Variants in CDH13 observed in about 807,000 individuals in gnomAD.
The protein encoded by CDH13 is cadherin 13, also known as cadherin-13.
CDH13 carries 24 observed loss-of-function variants against 63.8 expected under a neutral mutation model. The ratio of observed to expected loss-of-function variants is 0.38; its 90% CI spans 0.27 to 0.53. The LOEUF is 0.53. Ranked by LOEUF, CDH13 falls within the 20% of genes least tolerant of loss-of-function variation. The pLI is 0.85. For missense variants in CDH13, 1,049 were observed against 903.1 expected (o/e 1.16, Z -2.07); for synonymous variants, 503 against 355.3 (o/e 1.42, Z -4.67).
chr16:83,554,457 T>A (rs575870149), intron 7 of CDH13, among the ~76,000 whole-genome samples: 1 of 152,326 alleles, frequency 6.6e-6, no homozygotes, highest in East Asian at 1.9e-4. Context: ...GCAGCATGGC[T>A]GTGAAGGAAG....
intron 4 of CDH13, among the ~76,000 whole-genome samples, chr16:83,206,549 G>A (rs2039187532): frequency 6.6e-6 from 1 of 152,246 alleles, no homozygotes; most frequent in Admixed American, 6.5e-5. Context: ...AAAATGTCGA[G>A]ATACATTCAT....
chr16:82,986,107 C>T (rs1387520754), intron 2 of CDH13, among the ~76,000 whole-genome samples: 1 of 152,196 alleles, frequency 6.6e-6, no homozygotes. Context: ...TACAGTAATA[C>T]TCTTACACTT....
chr16:83,180,480 T>C (rs1162128356), intron 4 of CDH13, among the ~76,000 whole-genome samples: 11 of 152,218 alleles, frequency 7.2e-5, no homozygotes, highest in Non-Finnish European at 1.6e-4. Context: ...AGCATGAGAC[T>C]TTTAACGTAG....
chr16:83,432,706 C>T (rs2072158013), intron 6 of CDH13, among the ~76,000 whole-genome samples: 1 of 152,108 alleles, frequency 6.6e-6, no homozygotes, highest in African/African-American at 2.4e-5. Flanking sequence ...CCAAAGGGCC[C>T]CAAGAAAATT....
chr16:83,232,143 C>T (rs754377448), intron 5 of CDH13, among the ~76,000 whole-genome samples: 1 of 151,276 alleles, frequency 6.6e-6, no homozygotes, highest in Non-Finnish European at 1.5e-5. Flanking sequence ...TTACAACAAA[C>T]CCCCATGACA....
At chr16:82,804,393 G>A (rs1013284807) in intron 1 of CDH13, among the ~76,000 whole-genome samples, 1 of 151,838 alleles carries the variant, frequency 6.6e-6, no homozygotes, top group African/African-American at 2.4e-5. Context: ...TGTGGTGATG[G>A]TATCACAGGT....
chr16:83,379,938 T>TATAGAGAGAGAGAGAGAGAGAG, intron 6 of CDH13, among the ~76,000 whole-genome samples: 62 of 123,446 alleles, frequency 5.0e-4, no homozygotes, highest in Non-Finnish European at 8.3e-4. Flanking sequence ...TATATATATA[T>TATAGAGAGAGAGAGAGAGAGAG]AGAGAGAGAG....
At chr16:82,711,324 C>T (rs1427580790) in intron 1 of CDH13, among the ~76,000 whole-genome samples, 4 of 152,156 alleles carry the variant, frequency 2.6e-5, no homozygotes, top group Non-Finnish European at 2.9e-5. Flanking sequence ...AGTGATCCTG[C>T]AGGACCCTCA....
chr16:83,219,779 G>A (rs761633021), intron 5 of CDH13, among the ~76,000 whole-genome samples: 4 of 152,194 alleles, frequency 2.6e-5, no homozygotes, highest in Non-Finnish European at 5.9e-5. Flanking sequence ...AGTGCTTATA[G>A]GGTAAGGGAC....
chr16:83,455,078 T>G (rs2072985968), intron 6 of CDH13, among the ~76,000 whole-genome samples: 1 of 152,204 alleles, frequency 6.6e-6, no homozygotes, highest in Non-Finnish European at 1.5e-5. Context: ...TCGGAGCCAT[T>G]GTTATCACAC....
intron 6 of CDH13, among the ~76,000 whole-genome samples, chr16:83,362,599 T>C (rs1002204271): frequency 2.0e-5 from 3 of 152,180 alleles, no homozygotes; most frequent in Non-Finnish European, 4.4e-5. Flanking sequence ...CCATGTTTCA[T>C]GTGAGGACAC....
chr16:83,650,002 G>A (rs1042423363), intron 8 of CDH13, among the ~76,000 whole-genome samples: 7 of 152,128 alleles, frequency 4.6e-5, no homozygotes, highest in African/African-American at 1.7e-4. Context: ...GTTCTAATTG[G>A]ACAAAATGGA....
At chr16:83,762,036 T>G (rs1914016115) in intron 11 of CDH13, among the ~76,000 whole-genome samples, 1 of 152,162 alleles carries the variant, frequency 6.6e-6, no homozygotes, top group African/African-American at 2.4e-5. Flanking sequence ...CACTCCAGCC[T>G]GGGTGACAGA....
At chr16:82,855,168 A>C (rs2039636299) in intron 1 of CDH13, among the ~76,000 whole-genome samples, 1 of 152,158 alleles carries the variant, frequency 6.6e-6, no homozygotes, top group African/African-American at 2.4e-5. Context: ...CCTCTTCCCT[A>C]AGAGTCAGCA....
intron 4 of CDH13, among the ~76,000 whole-genome samples, chr16:83,193,904 T>C (rs982901841): frequency 6.6e-6 from 1 of 152,216 alleles, no homozygotes; most frequent in African/African-American, 2.4e-5. Context: ...TAGAAGTCCC[T>C]AGTAAGTTGC....
At chr16:82,630,963 C>T (rs1281702096) in intron 1 of CDH13, among the ~76,000 whole-genome samples, 1 of 152,214 alleles carries the variant, frequency 6.6e-6, no homozygotes, top group Admixed American at 6.5e-5. Context: ...AACTTCAATG[C>T]AGCAACTCCA....
intron 4 of CDH13, among the ~76,000 whole-genome samples, chr16:83,166,174 A>G (rs994324014): frequency 2.6e-5 from 4 of 152,116 alleles, no homozygotes; most frequent in East Asian, 3.9e-4. Flanking sequence ...TCAATTTGCA[A>G]TAGCTGATCC....
At chr16:83,100,364 G>T (rs1309638133) in intron 3 of CDH13, among the ~76,000 whole-genome samples, 1 of 152,116 alleles carries the variant, frequency 6.6e-6, no homozygotes, top group Admixed American at 6.5e-5. Context: ...GGATACCGAG[G>T]TCAAATTTCA....
At chr16:82,757,853 G>T (rs1023149071) in intron 1 of CDH13, among the ~76,000 whole-genome samples, 2 of 151,980 alleles carry the variant, frequency 1.3e-5, no homozygotes, top group Admixed American at 6.6e-5. Context: ...GTTTCACCAC[G>T]TTACACAAGA....
Sources: gnomAD v4.1 joint callset for allele counts (sites outside exome capture counted in the v4.1 genomes callset) on GRCh38, gnomAD v4.1.1 for gene constraint, MANE v1.5 for transcripts, NCBI Gene and HGNC (gene_info 2026-07-23, HGNC 2026-07-21) for gene names.